The following PTH2R variants were observed in gnomAD, a reference collection of about 807,000 sequenced individuals.
PTH2R encodes the protein PTH2 receptor.
PTH2R carries 59 observed loss-of-function variants against 60.3 expected under a neutral mutation model. The observed-to-expected ratio is 0.98, with a 90% CI of 0.79 to 1.22. The LOEUF is 1.22. Among genes scored for constraint, PTH2R ranks in the 50% most tolerant of loss-of-function variants. The pLI, the probability that PTH2R is intolerant of heterozygous loss-of-function variation, is 0.00. For missense variants in PTH2R, 749 were observed against 682.6 expected (o/e 1.10, Z -1.08); for synonymous variants, 256 against 243.8 (o/e 1.05, Z -0.47).
chr2:208,460,085 A>T (rs907750170), intron 9 of PTH2R, 124 bp downstream of exon 9: 3 of 777,982 alleles, frequency 3.9e-6, no homozygotes, highest in African/African-American at 3.5e-5. Flanking sequence ...GTACAGCAAC[A>T]TCTATTGGGA....
At chr2:208,365,385 G>A (rs1486347516) in intron 1 of PTH2R, among the ~76,000 whole-genome samples, 1 of 150,672 alleles carries the variant, frequency 6.6e-6, no homozygotes, top group Admixed American at 6.6e-5. Flanking sequence ...TTCTTTTTTT[G>A]TGTGTGAAAG....
At position 208,443,501 on chromosome 2, in the gene PTH2R, T is replaced by G; in HGVS notation, c.663T>G (p.Asn221Lys). 3 of 1,611,160 alleles carry G rather than the reference T, an allele frequency of 1.9e-6. No individual in the cohort carries two copies. Among genetic ancestry groups the G allele is most frequent in the East Asian group, 2.2e-5 (1 of 44,830 alleles). ...ESLIMQDDPQ[N>K]SIEATSVDKS... is the part of the protein sequence containing the mutation. ...TAATAATGCAGGATGACCCACAAAATTCCATTGAGGCAACTTCTGTGGACA... is the reference window on the plus strand; with the variant it reads ...TAATAATGCAGGATGACCCACAAAAGTCCATTGAGGCAACTTCTGTGGACA... Residue 221 changes from asparagine (N) to lysine (K), a missense_variant, in exon 6 of 13, where the codon AAT becomes AAG. By Grantham distance (94) the Asn-to-Lys change is moderately conservative. Coordinates refer to ENST00000272847, the MANE Select transcript of PTH2R (RefSeq NM_005048.4).
At chr2:208,424,709 C>T (rs1701823489) in intron 1 of PTH2R, among the ~76,000 whole-genome samples, 1 of 152,128 alleles carries the variant, frequency 6.6e-6, no homozygotes, top group African/African-American at 2.4e-5. Flanking sequence ...CACATTTGAG[C>T]AACAAGCCTG....
intron 8 of PTH2R, among the ~76,000 whole-genome samples, chr2:208,458,491 T>C (rs1023515200): frequency 2.6e-5 from 4 of 152,152 alleles, no homozygotes; most frequent in African/African-American, 9.7e-5. Flanking sequence ...TGAAAGTTTG[T>C]TCCGTAGATA....
chr2:208,429,171 T>C (rs925146997), intron 2 of PTH2R, among the ~76,000 whole-genome samples: 10 of 152,132 alleles, frequency 6.6e-5, no homozygotes, highest in Non-Finnish European at 1.5e-4. Flanking sequence ...CAAAGGTATG[T>C]ATGCCCTCTA....
At chr2:208,423,228 G>C (rs1701791802) in intron 1 of PTH2R, among the ~76,000 whole-genome samples, 1 of 151,884 alleles carries the variant, frequency 6.6e-6, no homozygotes, top group Non-Finnish European at 1.5e-5. Context: ...TGTATTTAGT[G>C]CTATGCATTT....
intron 8 of PTH2R, among the ~76,000 whole-genome samples, chr2:208,457,733 T>A (rs1278981469): frequency 6.6e-6 from 1 of 152,170 alleles, no homozygotes; most frequent in Non-Finnish European, 1.5e-5. Context: ...GACTGAGACA[T>A]CTCAATGGCT....
chr2:208,369,308 A>G (rs1431551473), intron 1 of PTH2R, among the ~76,000 whole-genome samples: 1 of 151,860 alleles, frequency 6.6e-6, no homozygotes, highest in Non-Finnish European at 1.5e-5. Context: ...CAGAATTCCA[A>G]CTTGGTTGTT....
intron 7 of PTH2R, among the ~76,000 whole-genome samples, chr2:208,445,179 T>G (rs528189910): frequency 6.6e-6 from 1 of 152,202 alleles, no homozygotes; most frequent in African/African-American, 2.4e-5. Flanking sequence ...GCCATACACA[T>G]GTACAACTAA....
chr2:208,385,722 A>T (rs1387641153), intron 1 of PTH2R, among the ~76,000 whole-genome samples: 1 of 152,250 alleles, frequency 6.6e-6, no homozygotes, highest in African/African-American at 2.4e-5. Context: ...TTGAAATTCA[A>T]TCTGGCTTTC....
At chr2:208,415,339 ATAAAAT>A (rs1701618427) in intron 1 of PTH2R, among the ~76,000 whole-genome samples, 1 of 152,210 alleles carries the variant, frequency 6.6e-6, no homozygotes, top group African/African-American at 2.4e-5. Flanking sequence ...TGAAGATTAA[ATAAAAT>A]TAAAATTTCA....
intron 7 of PTH2R, among the ~76,000 whole-genome samples, chr2:208,445,312 A>AT (rs1234415313): frequency 6.6e-6 from 1 of 152,196 alleles, no homozygotes; most frequent in African/African-American, 2.4e-5. Flanking sequence ...CCAGAAATGA[A>AT]TTTGTAGGAC....
At chr2:208,439,515 T>A (rs1333277359) in intron 4 of PTH2R, among the ~76,000 whole-genome samples, 1 of 151,892 alleles carries the variant, frequency 6.6e-6, no homozygotes, top group Non-Finnish European at 1.5e-5. Flanking sequence ...GTTAATAAAA[T>A]TTTTTTATAA....
At chr2:208,482,918 C>G (rs184264063) in intron 10 of PTH2R, among the ~76,000 whole-genome samples, 1 of 152,224 alleles carries the variant, frequency 6.6e-6, no homozygotes, top group African/African-American at 2.4e-5. Context: ...CCTGACTGCA[C>G]GTCCATTCAT....
exon 1 of PTH2R, chr2:208,360,110 T>C (rs932556899): frequency 2.8e-5 from 11 of 397,750 alleles, no homozygotes; most frequent in Admixed American, 9.9e-5. Context: ...ATGATTTTTT[T>C]CCCTCGAAAA....
At chr2:208,485,943 G>A (rs570746208) in intron 10 of PTH2R, among the ~76,000 whole-genome samples, 1 of 152,316 alleles carries the variant, frequency 6.6e-6, no homozygotes, top group African/African-American at 2.4e-5. Flanking sequence ...CTGACATGTT[G>A]TGAGGGCCTA....
At chr2:208,490,345 A>G (rs1180103095) in intron 11 of PTH2R, among the ~76,000 whole-genome samples, 1 of 152,150 alleles carries the variant, frequency 6.6e-6, no homozygotes, top group Non-Finnish European at 1.5e-5. Context: ...GATAGGTATT[A>G]TGTGATCCAT....
At chr2:208,388,136 C>CCT (rs1334255273) in intron 1 of PTH2R, among the ~76,000 whole-genome samples, 5 of 149,114 alleles carry the variant, frequency 3.4e-5, no homozygotes, top group Admixed American at 3.3e-4. Flanking sequence ...GGTGAAACCC[C>CCT]CCCCCCCGTC....
chr2:208,369,651 C>T (rs1056619771), intron 1 of PTH2R, among the ~76,000 whole-genome samples: 1 of 152,054 alleles, frequency 6.6e-6, no homozygotes, highest in African/African-American at 2.4e-5. Flanking sequence ...AGCCACTGTG[C>T]CTGGCCTGGT....
Sources: allele counts gnomAD v4.1 joint callset (sites outside exome capture counted in the v4.1 genomes callset), GRCh38; gene constraint gnomAD v4.1.1; transcripts MANE v1.5; gene names NCBI Gene and HGNC (gene_info 2026-07-23, HGNC 2026-07-21).